Variants in PRUNE2 observed in about 807,000 individuals in gnomAD.
PRUNE2 encodes the protein prune homolog 2 with BCH domain, also known as protein prune homolog 2.
PRUNE2 carries 164 observed loss-of-function variants against 252.0 expected under a neutral mutation model. The observed-to-expected ratio is 0.65, with a 90% CI of 0.57 to 0.74. The LOEUF (loss-of-function observed/expected upper bound fraction) is 0.74. Ranked by LOEUF, PRUNE2 falls within the 30% of genes least tolerant of loss-of-function variation. The pLI is 0.00. For missense variants in PRUNE2, 3,495 were observed against 3,711.0 expected (o/e 0.94, Z 1.51); for synonymous variants, 1,292 against 1,350.2 (o/e 0.96, Z 0.94).
chr9:76,825,017 C>T (rs758938953), intron 5 of PRUNE2, among the ~76,000 whole-genome samples: 7 of 152,010 alleles, frequency 4.6e-5, no homozygotes, highest in Non-Finnish European at 1.0e-4. Context: ...CTGCAAAGGC[C>T]CCACCCCATT....
chr9:76,776,504 T>C (rs1469302962), intron 6 of PRUNE2, among the ~76,000 whole-genome samples: 3 of 151,276 alleles, frequency 2.0e-5, no homozygotes, highest in Non-Finnish European at 2.9e-5. Context: ...ATTTTCTTTT[T>C]TTTTTTCTTT....
At chr9:76,851,543 G>C (rs760551555) in intron 2 of PRUNE2, among the ~76,000 whole-genome samples, 11 of 132,974 alleles carry the variant, frequency 8.3e-5, no homozygotes, top group Non-Finnish European at 1.4e-4. Context: ...GCAAGACTCT[G>C]TCTCGGAAAA....
intron 1 of PRUNE2, among the ~76,000 whole-genome samples, chr9:76,869,661 T>C (rs574001342): frequency 6.9e-4 from 105 of 152,354 alleles, no homozygotes; most frequent in South Asian, 1.4e-3. Flanking sequence ...ATTATTTCAC[T>C]GATATTTTAA....
At chr9:76,665,090 C>T (rs2039872554) in intron 9 of PRUNE2, among the ~76,000 whole-genome samples, 1 of 152,136 alleles carries the variant, frequency 6.6e-6, no homozygotes. Context: ...CTACCTCCTC[C>T]AAATTATAAC....
chr9:76,738,853 C>T (rs1564188035), intron 6 of PRUNE2: 1 of 152,142 alleles, frequency 6.6e-6, no homozygotes, highest in Non-Finnish European at 1.5e-5. Flanking sequence ...TGATACTTCT[C>T]ATGTTTTAGA....
In PRUNE2 at chr9:76,826,578, A is replaced by G; in HGVS notation, c.661+2T>C. 6.3e-7 allele frequency: 1 copy of G among 1,576,818 alleles called. No individual in the cohort carries two copies. Among genetic ancestry groups the G allele is most frequent in the Non-Finnish European group, 8.6e-7 (1 of 1,158,192 alleles). On this transcript the variant is annotated splice_donor_variant, in intron 5 of 18. Coordinates refer to ENST00000376718, the MANE Select transcript of PRUNE2 (RefSeq NM_015225.3). LOFTEE classifies it high-confidence loss of function. ...AAGAGAGCTGGGGACAGAGTCACTC[A>G]CCCTGAGCACTGAACTGGGTCTCCT...
At chr9:76,649,409 A>G (rs1846267594) in intron 11 of PRUNE2, among the ~76,000 whole-genome samples, 1 of 152,122 alleles carries the variant, frequency 6.6e-6, no homozygotes, top group South Asian at 2.1e-4. Flanking sequence ...ACGTGGCAAA[A>G]CCTCATCTCT....
chr9:76,767,139 T>C (rs144956384), intron 6 of PRUNE2, among the ~76,000 whole-genome samples: 1 of 152,268 alleles, frequency 6.6e-6, no homozygotes, highest in African/African-American at 2.4e-5. Flanking sequence ...TTGTTGGCAG[T>C]CACCAAGGAC....
chr9:76,635,153 G>GTA (rs1156658408), intron 15 of PRUNE2, among the ~76,000 whole-genome samples: 2 of 152,078 alleles, frequency 1.3e-5, no homozygotes, highest in Non-Finnish European at 2.9e-5. Context: ...TGTGTTTTTA[G>GTA]TAGAGATGGG....
chr9:76,716,637 AT>A (rs1040482865), intron 6 of PRUNE2, among the ~76,000 whole-genome samples: 3 of 149,518 alleles, frequency 2.0e-5, no homozygotes, highest in South Asian at 4.3e-4. Flanking sequence ...CTTTTTCTTT[AT>A]TTTTTTTTCA....
intron 9 of PRUNE2, among the ~76,000 whole-genome samples, chr9:76,662,143 A>T (rs2039216498): frequency 6.6e-6 from 1 of 152,220 alleles, no homozygotes; most frequent in Non-Finnish European, 1.5e-5. Flanking sequence ...AGGAAATAAG[A>T]TGAACTGAAT....
intron 4 of PRUNE2, among the ~76,000 whole-genome samples, chr9:76,834,597 C>A (rs1046406918): frequency 1.3e-5 from 2 of 152,072 alleles, no homozygotes; most frequent in Non-Finnish European, 2.9e-5. Flanking sequence ...AAGAAATTAA[C>A]CTAACAGATA....
At chr9:76,712,210 T>G (rs2046791584) in intron 7 of PRUNE2, among the ~76,000 whole-genome samples, 1 of 152,186 alleles carries the variant, frequency 6.6e-6, no homozygotes, top group African/African-American at 2.4e-5. Context: ...ATGATCATTA[T>G]CTCTTTTAAT....
At chr9:76,746,971 C>G (rs1016879335) in intron 6 of PRUNE2, among the ~76,000 whole-genome samples, 6 of 152,176 alleles carry the variant, frequency 3.9e-5, no homozygotes, top group Non-Finnish European at 5.9e-5. Flanking sequence ...TAATTGAACC[C>G]AAGGAAGCGG....
intron 9 of PRUNE2, among the ~76,000 whole-genome samples, chr9:76,662,593 G>C (rs2039315229): frequency 6.6e-6 from 1 of 152,210 alleles, no homozygotes; most frequent in South Asian, 2.1e-4. Context: ...TGAGCCAAGA[G>C]CTGGCACACA....
intron 1 of PRUNE2, among the ~76,000 whole-genome samples, chr9:76,858,309 T>C (rs1209089923): frequency 6.6e-6 from 1 of 152,138 alleles, no homozygotes. Flanking sequence ...GATGAAATCA[T>C]AAAACGGGGA....
chr9:76,744,966 G>A (rs546741287), intron 6 of PRUNE2, among the ~76,000 whole-genome samples: 1 of 152,292 alleles, frequency 6.6e-6, no homozygotes, highest in Non-Finnish European at 1.5e-5. Context: ...GAAGGCCCAA[G>A]GTCAAGCCCT....
At chr9:76,877,499 A>AAC (rs113656279) in intron 1 of PRUNE2, among the ~76,000 whole-genome samples, 8,496 of 150,240 alleles carry the variant, frequency 0.057, 634 homozygotes, top group African/African-American at 0.18. Flanking sequence ...TCTCAATTAA[A>AAC]ACACACACAC....
intron 1 of PRUNE2, among the ~76,000 whole-genome samples, chr9:76,859,241 A>G (rs1042003933): frequency 2.6e-5 from 4 of 152,356 alleles, no homozygotes; most frequent in African/African-American, 9.6e-5. Context: ...AATCACTTTA[A>G]TATGCTTTCA....
Sources: gnomAD v4.1 joint callset for allele counts (sites outside exome capture counted in the v4.1 genomes callset) on GRCh38, gnomAD v4.1.1 for gene constraint, MANE v1.5 for transcripts, NCBI Gene and HGNC (gene_info 2026-07-23, HGNC 2026-07-21) for gene names.